SFRP1: variants seen among roughly 807,000 people sequenced by gnomAD.
SFRP1 encodes secreted frizzled-related protein 1.
SFRP1 carries 9 observed loss-of-function variants against 25.9 expected under a neutral mutation model. The ratio of observed to expected loss-of-function variants is 0.35; its 90% CI spans 0.21 to 0.61. SFRP1 has a LOEUF of 0.61. Among genes scored for constraint, SFRP1 ranks in the 20% least tolerant of loss-of-function variants. The pLI, the probability that SFRP1 is intolerant of heterozygous loss-of-function variation, is 0.78. For synonymous variants in SFRP1, 178 were observed against 174.0 expected, an observed-to-expected ratio of 1.02 and a Z score of -0.18; for missense variants, 346 against 418.2, an observed-to-expected ratio of 0.83 and a Z score of 1.51.
chr8:41,271,606 C>A (rs749127151), intron 2 of SFRP1: 2 of 153,334 alleles, frequency 1.3e-5, no homozygotes, highest in Admixed American at 6.5e-5. Flanking sequence ...AAGGCATCCA[C>A]CAAGTGAAAG....
intron 1 of SFRP1, among the ~76,000 whole-genome samples, chr8:41,304,905 C>A (rs569107909): frequency 4.6e-5 from 7 of 152,204 alleles, no homozygotes; most frequent in African/African-American, 1.7e-4. Context: ...CTTCCAGATT[C>A]TCAGTGCAGT....
intron 2 of SFRP1, among the ~76,000 whole-genome samples, chr8:41,293,015 C>G (rs1245697124): frequency 6.6e-6 from 1 of 152,224 alleles, no homozygotes; most frequent in South Asian, 2.1e-4. Flanking sequence ...GCAGCGGCTG[C>G]GGGTTACGTG....
intron 1 of SFRP1, among the ~76,000 whole-genome samples, chr8:41,306,154 G>C (rs1176797543): frequency 6.9e-6 from 1 of 145,886 alleles, no homozygotes; most frequent in Non-Finnish European, 1.5e-5. Flanking sequence ...CTATGGCTTG[G>C]GTATCAGCCT....
At chr8:41,275,166 G>A in intron 2 of SFRP1, 1 of 450,678 alleles carries the variant, frequency 2.2e-6, no homozygotes, top group Non-Finnish European at 4.4e-6. Flanking sequence ...CAAAAGTGAA[G>A]TCACTTGTCA....
intron 2 of SFRP1, among the ~76,000 whole-genome samples, chr8:41,302,086 T>C (rs1252896301): frequency 6.6e-6 from 1 of 152,182 alleles, no homozygotes; most frequent in Non-Finnish European, 1.5e-5. Context: ...AGAGGAAGAG[T>C]TCCACCCTCA....
rs181129658 is a variant in SFRP1 at position 41,304,048 on chromosome 8, G to A, written c.545-510C>T. 2.3e-3 allele frequency among the ~76,000 whole-genome samples: 351 copies of A among 152,160 alleles called. 3 individuals carry two copies. The highest frequency in any genetic ancestry group is 7.9e-3 in the African/African-American group (330 of 41,526). ...GCCAGACTCACAAACTCCAGCTCTC[G>A]GCCCCTGAACACCTCCTCTCCAAAA... is the stretch of plus-strand genomic sequence containing the variant. On this transcript the variant is annotated intron_variant, in intron 1 of 2. Coordinates refer to ENST00000220772, the MANE Select transcript of SFRP1 (RefSeq NM_003012.5).
At chr8:41,293,904 A>C (rs1013972510) in intron 2 of SFRP1, among the ~76,000 whole-genome samples, 3 of 150,600 alleles carry the variant, frequency 2.0e-5, no homozygotes, top group African/African-American at 7.3e-5. Flanking sequence ...CTGGGACCAC[A>C]ATGTGCCACC....
intron 2 of SFRP1, among the ~76,000 whole-genome samples, chr8:41,300,551 G>T (rs1447486757): frequency 5.9e-5 from 9 of 152,182 alleles, no homozygotes; most frequent in Non-Finnish European, 1.2e-4. Context: ...GAAGAAGCTA[G>T]AGAAAGTGGC....
rs1279978334 is a variant in SFRP1, at chr8:41,268,627, C to T, written c.623-3138G>A. On this transcript the variant is annotated intron_variant, in intron 2 of 2. Coordinates refer to ENST00000220772, the MANE Select transcript of SFRP1 (RefSeq NM_003012.5). ...GGTGGGGAGAGCAGGAAAGAAGGCA[C>T]GTATGGCCAGAAATTACTAACATCT... 2.0e-5 allele frequency among the ~76,000 whole-genome samples: 3 copies of T among 152,272 alleles called. No individual in the cohort carries two copies. In the East Asian group the frequency reaches 5.8e-4, roughly 29 times the overall value.
At chr8:41,268,757 CCCA>C (rs1203153147) in intron 2 of SFRP1, among the ~76,000 whole-genome samples, 1 of 152,060 alleles carries the variant, frequency 6.6e-6, no homozygotes, top group Non-Finnish European at 1.5e-5. Flanking sequence ...GTGTGCAGAC[CCCA>C]CCATGATGCA....
intron 2 of SFRP1, among the ~76,000 whole-genome samples, chr8:41,269,267 T>C (rs775052022): frequency 2.0e-5 from 3 of 152,182 alleles, no homozygotes; most frequent in Admixed American, 6.5e-5. Flanking sequence ...TTAAAAATTA[T>C]GTGTTTTTTT....
At chr8:41,287,438 G>A (rs111685996) in intron 2 of SFRP1, among the ~76,000 whole-genome samples, 55 of 152,340 alleles carry the variant, frequency 3.6e-4, no homozygotes, top group African/African-American at 1.2e-3. Context: ...ATGGAGAGTG[G>A]GTAAGAGCAC....
Position 41,265,112 on chromosome 8 carries a change from T to TCCCCCCCCCCCCCCC in SFRP1, c.*54_*55insGGGGGGGGGGGGGGG. 4 of 517,774 alleles carry TCCCCCCCCCCCCCCC rather than the reference T, an allele frequency of 7.7e-6. No individual in the cohort carries two copies. Among genetic ancestry groups the TCCCCCCCCCCCCCCC allele is most frequent in the East Asian group, 3.6e-5 (1 of 28,056 alleles). The allele number at this position is 517,774 out of a possible 1,614,324, so 32.1% of individuals were successfully genotyped here. ...GACCCACCGGGTTCCCGGGGCACTG[T>TCCCCCCCCCCCCCCC]CCCCCCCGCTCCCACCCCACCCGAG... On this transcript the variant is annotated 3_prime_UTR_variant, in exon 3 of 3. Transcript: ENST00000220772.
chr8:41,303,827 T>C (rs1803959325), intron 1 of SFRP1, among the ~76,000 whole-genome samples: 1 of 152,112 alleles, frequency 6.6e-6, no homozygotes, highest in African/African-American at 2.4e-5. Context: ...AATGATGACT[T>C]GTGGGGCGCT....
At chr8:41,288,561 A>C (rs1440184056) in intron 2 of SFRP1, among the ~76,000 whole-genome samples, 160 of 124,036 alleles carry the variant, frequency 1.3e-3, no homozygotes, top group Non-Finnish European at 1.4e-3. Flanking sequence ...AAAAAAAAAA[A>C]AAAAAAACTG....
At position 41,308,843 on chromosome 8, in the gene SFRP1, T is replaced by G. The variant is rs1585525323; in HGVS notation, c.317A>C (p.His106Pro). 6.2e-7 allele frequency: 1 copy of G among 1,610,084 alleles called. No individual in the cohort carries two copies. The highest frequency in any genetic ancestry group is 8.5e-7 in the Non-Finnish European group (1 of 1,179,496). The change falls in exon 1 of 3, where the codon CAC becomes CCC. Residue 106 changes from histidine (H) to proline (P), a missense_variant. Transcript: ENST00000220772. ...GCAGAGGAAGACCTGGGTGCCGGCG[T>G]GGCAGTTCTTGTTGAGCAGGGGCAC... Reference protein sequence around the residue: ...SWVPLLNKNCHAGTQVFLCSL... With the variant: ...SWVPLLNKNCPAGTQVFLCSL...
intron 2 of SFRP1, among the ~76,000 whole-genome samples, chr8:41,286,033 T>TGGGGGGGGGGGGG (rs1803696728): frequency 1.3e-5 from 1 of 74,632 alleles, no homozygotes; most frequent in Non-Finnish European, 2.8e-5. Context: ...GGGGAGGGGG[T>TGGGGGGGGGGGGG]GGGTGGGTAA....
Position 41,309,193 on chromosome 8 carries a change from G to C in SFRP1, c.-34C>G, listed in dbSNP as rs1804040069. 5.5e-6 allele frequency: 7 copies of C among 1,280,982 alleles called. No homozygotes were observed. The East Asian group carries it at 9.6e-5, about 17-fold the overall frequency. 79.4% of individuals were successfully genotyped at this position (1,280,982 alleles called of 1,614,324 possible). A position where few individuals can be genotyped will look rare whatever the true frequency, so the allele number is the denominator to read the frequency against. ...TGCGCCCTGTTCTCCGCGACGTCGG[G>C]GCTGCCTCCGCCGCCTCCCCGCGCG... is the stretch of plus-strand genomic sequence containing the variant. On this transcript the variant is annotated 5_prime_UTR_variant, in exon 1 of 3. Coordinates refer to ENST00000220772, the MANE Select transcript of SFRP1 (RefSeq NM_003012.5).
chr8:41,278,318 T>C (rs1034928874), intron 2 of SFRP1, among the ~76,000 whole-genome samples: 3 of 151,722 alleles, frequency 2.0e-5, no homozygotes, highest in African/African-American at 7.3e-5. Flanking sequence ...AAGTGGAGAG[T>C]CAGCAGACCC....
Sources: allele counts gnomAD v4.1 joint callset (sites outside exome capture counted in the v4.1 genomes callset), GRCh38; gene constraint gnomAD v4.1.1; transcripts MANE v1.5; gene names NCBI Gene and HGNC (gene_info 2026-07-23, HGNC 2026-07-21).